ADAMTS18: variants seen among roughly 807,000 people sequenced by gnomAD.
ADAMTS18 encodes the protein A disintegrin and metalloproteinase with thrombospondin motifs 18.
In ADAMTS18, 157 loss-of-function variants were observed where a neutral mutation model predicts 165.9. The ratio of observed to expected loss-of-function variants is 0.95; its 90% confidence interval spans 0.83 to 1.08. ADAMTS18 has a LOEUF of 1.08. Ranked by LOEUF, ADAMTS18 falls within the 50% of genes least tolerant of loss-of-function variation. ADAMTS18 has a pLI of 0.00. For missense variants in ADAMTS18, 2,040 were observed against 1,534.0 expected (o/e 1.33, Z -5.51); for synonymous variants, 782 against 578.2 (o/e 1.35, Z -5.06).
At chr16:77,343,388 T>A (rs943360575) in intron 10 of ADAMTS18, among the ~76,000 whole-genome samples, 13 of 152,224 alleles carry the variant, frequency 8.5e-5, no homozygotes, top group African/African-American at 2.9e-4. Flanking sequence ...TTTAGCCCTT[T>A]CAAATATCTA....
chr16:77,395,853 G>T (rs960812800), intron 3 of ADAMTS18, among the ~76,000 whole-genome samples: 20 of 152,044 alleles, frequency 1.3e-4, no homozygotes, highest in African/African-American at 4.1e-4. Flanking sequence ...AGAGAAATGT[G>T]GTGGATATGA....
At chr16:77,291,555 G>A (rs1170501747) in intron 20 of ADAMTS18, 77 bp from the exon 21 acceptor site, 15 of 1,410,878 alleles carry the variant, frequency 1.1e-5, no homozygotes, top group Non-Finnish European at 1.5e-5. Context: ...TTTGACATAA[G>A]GTTGCACCAT....
intron 3 of ADAMTS18, among the ~76,000 whole-genome samples, chr16:77,383,630 A>G (rs1484191810): frequency 6.6e-6 from 1 of 151,862 alleles, no homozygotes; most frequent in Non-Finnish European, 1.5e-5. Flanking sequence ...TGCAACCTCC[A>G]CCTCCCAGGT....
chr16:77,287,718 CGCCTCA>C (rs1413254493), intron 22 of ADAMTS18, among the ~76,000 whole-genome samples: 2 of 152,036 alleles, frequency 1.3e-5, no homozygotes, highest in Non-Finnish European at 2.9e-5. Context: ...GTGATCCACC[CGCCTCA>C]GCCTCCCAAA....
At chr16:77,302,652 A>G (rs775957910) in intron 16 of ADAMTS18, among the ~76,000 whole-genome samples, 3 of 152,250 alleles carry the variant, frequency 2.0e-5, no homozygotes, top group Non-Finnish European at 4.4e-5. Context: ...CAGATCCCCA[A>G]TAAAAACGCA....
At chr16:77,377,306 G>A (rs1399926756) in intron 3 of ADAMTS18, among the ~76,000 whole-genome samples, 6 of 152,148 alleles carry the variant, frequency 3.9e-5, no homozygotes, top group Non-Finnish European at 5.9e-5. Context: ...TAGGATGAGT[G>A]CACAATTAAT....
chr16:77,388,035 T>G (rs933360397), intron 3 of ADAMTS18, among the ~76,000 whole-genome samples: 79 of 152,184 alleles, frequency 5.2e-4, no homozygotes, highest in Non-Finnish European at 4.4e-4. Context: ...CTAAACCTGT[T>G]TCTGTCTTTC....
chr16:77,351,486 T>C (rs1160721234), intron 10 of ADAMTS18, among the ~76,000 whole-genome samples: 1 of 152,164 alleles, frequency 6.6e-6, no homozygotes, highest in Non-Finnish European at 1.5e-5. Context: ...AAATACATGG[T>C]TCTGAAGGAA....
At chr16:77,407,955 G>T (rs185724796) in intron 3 of ADAMTS18, among the ~76,000 whole-genome samples, 175 of 152,068 alleles carry the variant, frequency 1.2e-3, no homozygotes, top group African/African-American at 4.0e-3. Flanking sequence ...TTATTAAAAA[G>T]CCATTAAAAG....
At chr16:77,374,601 T>C (rs992718142) in intron 3 of ADAMTS18, among the ~76,000 whole-genome samples, 3 of 152,192 alleles carry the variant, frequency 2.0e-5, no homozygotes, top group Non-Finnish European at 4.4e-5. Context: ...CCAGCCTTAC[T>C]AACTTCCTTA....
At chr16:77,359,554 A>C (rs866577520) in intron 7 of ADAMTS18, 131 bp from the exon 8 acceptor site, 38,015 of 478,578 alleles carry the variant, frequency 0.079, 109 homozygotes, top group Non-Finnish European at 0.1. Context: ...TTTTGGAAAA[A>C]AAAAAAAAAA....
chr16:77,294,996 C>G lies in ADAMTS18; in HGVS notation c.2933G>C (p.Ser978Thr), dbSNP rs2055439424. Residue 978 changes from serine (S) to threonine (T), a missense_variant, in exon 19 of 23, where the codon AGC (serine) becomes ACC (threonine). Ser to Thr is a moderately conservative substitution (Grantham distance 58). Transcript: ENST00000282849. Reference protein sequence around the residue: ...EAVLHSLCPVSTPTQVQACNS... With the variant: ...EAVLHSLCPVTTPTQVQACNS... ...GCAGGCTTGGACCTGAGTGGGTGTG[C>G]TCACTGGACAGAGAGAATGCAACAC... 1 of 1,614,018 alleles carries G rather than the reference C, an allele frequency of 6.2e-7. No homozygotes were observed. Among genetic ancestry groups the G allele is most frequent in the African/African-American group, 1.3e-5 (1 of 74,904 alleles).
chr16:77,334,158 A>G, intron 12 of ADAMTS18, among the ~76,000 whole-genome samples: 1 of 93,606 alleles, frequency 1.1e-5, no homozygotes, highest in African/African-American at 4.3e-5. Flanking sequence ...TATATAATAT[A>G]CAGTGTTATA....
chr16:77,431,293 A>T lies in ADAMTS18; in HGVS notation c.495+2T>A. 6.2e-7 allele frequency: 1 copy of T among 1,614,152 alleles called. No individual in the cohort carries two copies. The highest frequency in any genetic ancestry group is 8.5e-7 in the Non-Finnish European group (1 of 1,180,002). On this transcript the variant is annotated splice_donor_variant, in intron 3 of 22. Transcript: ENST00000282849. LOFTEE classifies it high-confidence loss of function. The stretch of plus-strand genomic sequence containing the variant: ...GCTCAACTCAGACTGGGGTGTACTT[A>T]CCAAGCCAGCACACGTAGACACAGC...
In ADAMTS18 at chr16:77,300,399, C is replaced by G. The variant is rs754686924; in HGVS notation, c.2538G>C (p.Leu846=). 6.2e-7 allele frequency: 1 copy of G among 1,614,048 alleles called. No individual in the cohort carries two copies. ...CTATCCCTGGATTTTTGCCTTGCAT[C>G]AGAATCTGGACAGTGTAAGATAAAA... ...PTNETLVFEI[L]MQGKNPGIAW... The change falls in exon 17 of 23, where the codon CTG becomes CTC. Residue 846 remains leucine (L), a synonymous_variant. Transcript: ENST00000282849.
intron 16 of ADAMTS18, among the ~76,000 whole-genome samples, chr16:77,302,799 G>A (rs1331805142): frequency 6.6e-6 from 1 of 152,126 alleles, no homozygotes; most frequent in African/African-American, 2.4e-5. Context: ...ACAGATTCTA[G>A]AGCCTAAGCC....
chr16:77,304,754 C>G (rs548828570), intron 16 of ADAMTS18, among the ~76,000 whole-genome samples: 2 of 152,200 alleles, frequency 1.3e-5, no homozygotes, highest in South Asian at 4.1e-4. Flanking sequence ...TTCTTAGGAA[C>G]GTGCAGCTTT....
chr16:77,363,630 TTTAA>T lies in ADAMTS18; in HGVS notation c.1056+168_1056+171del, dbSNP rs556117128. ...TATAAATATTTTTCTGGTGCTTTAG[TTTAA>T]TTGTGTGATTACACAATCTTTTAAA... On this transcript the variant is annotated intron_variant, in intron 6 of 22. Transcript: ENST00000282849. Among the ~76,000 whole-genome samples the T allele has an allele frequency of 1.7e-3, 258 of 152,142 alleles. 2 individuals carry two copies. Among genetic ancestry groups the T allele is most frequent in the African/African-American group, 6.1e-3 (254 of 41,532 alleles).
chr16:77,336,046 C>G, intron 11 of ADAMTS18, 142 bp from the exon 12 acceptor site: 1 of 1,018,280 alleles, frequency 9.8e-7, no homozygotes, highest in Non-Finnish European at 1.5e-6. Context: ...AATTCCTCTG[C>G]TGTGCTCTAA....
Sources: gnomAD v4.1 joint callset for allele counts (sites outside exome capture counted in the v4.1 genomes callset) on GRCh38, gnomAD v4.1.1 for gene constraint, MANE v1.5 for transcripts, NCBI Gene and HGNC (gene_info 2026-07-23, HGNC 2026-07-21) for gene names.